The following CCNY variants were observed in gnomAD, a reference collection of about 807,000 sequenced individuals.
CCNY encodes the protein cyclin Y.
CCNY carries 19 observed loss-of-function variants against 42.8 expected under a neutral mutation model. That is an observed-to-expected ratio of 0.44 (90% CI 0.31 to 0.65). CCNY has a LOEUF of 0.65. CCNY is among the 30% of genes least tolerant of loss of function. The probability of loss-of-function intolerance (pLI) is 0.07; values close to 1 mark genes in which losing one functional copy is unlikely to be tolerated. For synonymous variants in CCNY, 165 were observed against 162.7 expected, an observed-to-expected ratio of 1.01 and a Z score of -0.11; for missense variants, 370 against 437.3, an observed-to-expected ratio of 0.85 and a Z score of 1.37.
chr10:35,402,365 C>T (rs975115290), intron 1 of CCNY, among the ~76,000 whole-genome samples: 5 of 152,108 alleles, frequency 3.3e-5, no homozygotes, highest in African/African-American at 1.2e-4. Flanking sequence ...TGGGAGTACC[C>T]AGGATGTCCA....
At chr10:35,291,932 A>G (rs556356126) in intron 3 of CCNY, among the ~76,000 whole-genome samples, 38 of 152,290 alleles carry the variant, frequency 2.5e-4, no homozygotes, top group African/African-American at 8.9e-4. Flanking sequence ...CCTATGTTTA[A>G]CCTTTTGAGA....
chr10:35,533,080 C>T (rs1002557885), intron 7 of CCNY, among the ~76,000 whole-genome samples: 2 of 152,164 alleles, frequency 1.3e-5, no homozygotes, highest in East Asian at 1.9e-4. Context: ...ATGTGCAGGT[C>T]GGCTTTCTTG....
At chr10:35,542,360 A>C (rs1430558946) in intron 7 of CCNY, among the ~76,000 whole-genome samples, 2 of 152,020 alleles carry the variant, frequency 1.3e-5, no homozygotes, top group Non-Finnish European at 2.9e-5. Flanking sequence ...ACATTTGATC[A>C]ACATGACTCA....
At chr10:35,399,339 G>A (rs1322870640) in intron 1 of CCNY, among the ~76,000 whole-genome samples, 1 of 18,180 alleles carries the variant, frequency 5.5e-5, no homozygotes, top group Non-Finnish European at 1.4e-4. Context: ...CCATGTTTGA[G>A]GTTACTTCTC....
intron 2 of CCNY, among the ~76,000 whole-genome samples, chr10:35,490,516 C>T (rs114625079): frequency 0.011 from 1,657 of 152,338 alleles, 40 homozygotes; most frequent in African/African-American, 0.037. Flanking sequence ...TGCACCTTCC[C>T]GCCCTTCCCT....
rs144062925 is a variant in CCNY at position 35,471,305 on chromosome 10, C to T, written c.155-12099C>T. ...GTTTGACTTTACAGGCTTGCTTTGG[C>T]GCCTCCTCTCCATCCAGTGCTGTTT... On this transcript the variant is annotated intron_variant, in intron 1 of 9. Transcript: ENST00000374704. Among the ~76,000 whole-genome samples the T allele has an allele frequency of 2.5e-4, 38 of 152,236 alleles. No individual in the cohort carries two copies. In the East Asian group the frequency reaches 4.4e-3, roughly 18 times the overall value.
intron 1 of CCNY, among the ~76,000 whole-genome samples, chr10:35,475,131 G>A (rs544773694): frequency 0.03 from 4,571 of 152,268 alleles, 98 homozygotes; most frequent in Non-Finnish European, 0.044. Flanking sequence ...AGAAATATGG[G>A]ACTATGTGAA....
intron 1 of CCNY, among the ~76,000 whole-genome samples, chr10:35,416,402 C>T (rs1838027142): frequency 6.6e-6 from 1 of 151,926 alleles, no homozygotes; most frequent in African/African-American, 2.4e-5. Context: ...AGTTTGAGAC[C>T]AGCCTGGGCA....
chr10:35,304,070 C>T (rs1001780477), intron 3 of CCNY, among the ~76,000 whole-genome samples: 3 of 152,094 alleles, frequency 2.0e-5, no homozygotes, highest in Non-Finnish European at 4.4e-5. Flanking sequence ...TTCTCCGTCT[C>T]CTGCACCCGT....
At chr10:35,511,228 G>A (rs1840318948) in intron 3 of CCNY, among the ~76,000 whole-genome samples, 1 of 152,196 alleles carries the variant, frequency 6.6e-6, no homozygotes, top group Admixed American at 6.5e-5. Flanking sequence ...TCTAGTCCCG[G>A]GATGGAGCTG....
chr10:35,371,078 T>C (rs2135174440), intron 1 of CCNY, among the ~76,000 whole-genome samples: 1 of 152,346 alleles, frequency 6.6e-6, no homozygotes, highest in East Asian at 1.9e-4. Flanking sequence ...CTTGCTGTTC[T>C]TTGAAATGGT....
intron 3 of CCNY, among the ~76,000 whole-genome samples, chr10:35,297,369 C>T (rs922411833): frequency 6.6e-6 from 1 of 152,092 alleles, no homozygotes; most frequent in African/African-American, 2.4e-5. Flanking sequence ...ATAATAAGAG[C>T]TATCTATGAC....
intron 1 of CCNY, among the ~76,000 whole-genome samples, chr10:35,462,753 C>G (rs530530671): frequency 6.6e-6 from 1 of 152,336 alleles, no homozygotes; most frequent in South Asian, 2.1e-4. Context: ...CACTAGCCGT[C>G]CCTCTACCCA....
chr10:35,256,917 A>G (rs965893098), intron 3 of CCNY, among the ~76,000 whole-genome samples: 3 of 152,076 alleles, frequency 2.0e-5, no homozygotes, highest in African/African-American at 7.2e-5. Flanking sequence ...TTACAACTCA[A>G]AGTTATAATA....
intron 3 of CCNY, among the ~76,000 whole-genome samples, chr10:35,502,317 C>G (rs1181070617): frequency 6.6e-6 from 1 of 152,222 alleles, no homozygotes; most frequent in Non-Finnish European, 1.5e-5. Flanking sequence ...TAAGTATGCT[C>G]TAAGTCCTCA....
chr10:35,275,292 C>T (rs1401187317), intron 3 of CCNY, among the ~76,000 whole-genome samples: 2 of 151,562 alleles, frequency 1.3e-5, no homozygotes, highest in Non-Finnish European at 1.5e-5. Flanking sequence ...TTTTGAACTC[C>T]TGACCTCAAA....
At chr10:35,266,803 G>A (rs916649852) in intron 3 of CCNY, among the ~76,000 whole-genome samples, 3 of 152,036 alleles carry the variant, frequency 2.0e-5, no homozygotes, top group South Asian at 4.1e-4. Context: ...ACCTACTGTC[G>A]CCGGGTGCGG....
At chr10:35,426,624 G>C (rs17593103) in intron 1 of CCNY, among the ~76,000 whole-genome samples, 4,245 of 152,298 alleles carry the variant, frequency 0.028, 70 homozygotes, top group South Asian at 0.044. Flanking sequence ...AAATTGCTTT[G>C]ACAGTGTGAT....
chr10:35,405,615 T>C (rs746813805), intron 1 of CCNY, among the ~76,000 whole-genome samples: 32 of 152,270 alleles, frequency 2.1e-4, no homozygotes, highest in African/African-American at 7.5e-4. Flanking sequence ...ACAACAGTTA[T>C]GGAGGCAAGG....
Sources: allele counts gnomAD v4.1 joint callset (sites outside exome capture counted in the v4.1 genomes callset), GRCh38; gene constraint gnomAD v4.1.1; transcripts MANE v1.5; gene names NCBI Gene and HGNC (gene_info 2026-07-23, HGNC 2026-07-21).